Variants in C10orf90 observed in about 807,000 individuals in gnomAD.
The protein encoded by C10orf90 is (E2-independent) E3 ubiquitin-conjugating enzyme FATS.
A neutral mutation model predicts 62.5 loss-of-function variants in C10orf90; 56 were observed. The ratio of observed to expected loss-of-function variants is 0.90; its 90% confidence interval spans 0.72 to 1.12. The LOEUF is 1.12. Ranked by LOEUF, C10orf90 falls within the 50% of genes most tolerant of loss-of-function variation. The probability of loss-of-function intolerance (pLI) is 0.00; values close to 1 mark genes in which losing one functional copy is unlikely to be tolerated. For synonymous variants in C10orf90, 386 were observed against 340.4 expected, an observed-to-expected ratio of 1.13 and a Z score of -1.47; for missense variants, 970 against 880.4, an observed-to-expected ratio of 1.10 and a Z score of -1.29.
At position 126,529,462 on chromosome 10, in the gene C10orf90, A is replaced by G. The variant is rs554218380; in HGVS notation, c.314-15523T>C. Among the ~76,000 whole-genome samples the G allele has an allele frequency of 2.0e-5, 3 of 152,316 alleles. No individual in the cohort carries two copies. In the South Asian group the frequency reaches 6.2e-4, roughly 32 times the overall value. Reference sequence around the variant, plus strand: ...ATTTAGAAAAAGATGTTTGTAACCCATATAACAGACAAAGGGTTATTATGG... The same window carrying G: ...ATTTAGAAAAAGATGTTTGTAACCCGTATAACAGACAAAGGGTTATTATGG... On this transcript the variant is annotated intron_variant, in intron 2 of 9. Coordinates refer to ENST00000488181, the MANE Select transcript of C10orf90 (RefSeq NM_001350921.2).
intron 2 of C10orf90, among the ~76,000 whole-genome samples, chr10:126,585,467 A>AGGAGGGAAGGAGGAAGGAAG (rs1844850101): frequency 1.7e-5 from 1 of 58,956 alleles, no homozygotes; most frequent in African/African-American, 7.7e-5. Flanking sequence ...AAGGAAGGAA[A>AGGAGGGAAGGAGGAAGGAAG]GGAAGAGAGG....
intron 8 of C10orf90, among the ~76,000 whole-genome samples, chr10:126,426,849 A>G (rs928231324): frequency 5.3e-5 from 8 of 152,240 alleles, no homozygotes; most frequent in Non-Finnish European, 1.5e-5. Flanking sequence ...TTAAAATAAT[A>G]AGGACAATGT....
At chr10:126,669,570 T>A (rs1846703910) in intron 1 of C10orf90, among the ~76,000 whole-genome samples, 1 of 152,240 alleles carries the variant, frequency 6.6e-6, no homozygotes, top group African/African-American at 2.4e-5. Context: ...GCCGATCAGA[T>A]TTCATGCGTG....
intron 2 of C10orf90, among the ~76,000 whole-genome samples, chr10:126,560,640 C>G (rs1325450517): frequency 2.0e-5 from 3 of 152,146 alleles, no homozygotes; most frequent in Non-Finnish European, 4.4e-5. Flanking sequence ...AAAGCCATCC[C>G]CATGGAGACG....
intron 3 of C10orf90, among the ~76,000 whole-genome samples, chr10:126,510,310 G>A (rs1863025848): frequency 6.6e-6 from 1 of 152,130 alleles, no homozygotes. Flanking sequence ...GGGATGAGAT[G>A]GGGGGTTATT....
intron 4 of C10orf90, among the ~76,000 whole-genome samples, chr10:126,486,218 C>G (rs1295389919): frequency 6.6e-6 from 1 of 152,130 alleles, no homozygotes; most frequent in Admixed American, 6.5e-5. Context: ...ATAAGCTAGT[C>G]CCCTTTCAGA....
At chr10:126,565,064 AT>A (rs1239116412) in intron 2 of C10orf90, among the ~76,000 whole-genome samples, 1 of 35,432 alleles carries the variant, frequency 2.8e-5, no homozygotes, top group Non-Finnish European at 4.8e-5. Flanking sequence ...TATAAAATAT[AT>A]ATTATATATA....
intron 2 of C10orf90, among the ~76,000 whole-genome samples, chr10:126,625,389 A>G (rs1384445779): frequency 1.3e-5 from 2 of 152,170 alleles, no homozygotes; most frequent in Non-Finnish European, 2.9e-5. Context: ...AGCTCACCAC[A>G]GTGTTACTTT....
chr10:126,548,375 T>G (rs908495718), intron 2 of C10orf90, among the ~76,000 whole-genome samples: 1 of 149,628 alleles, frequency 6.7e-6, no homozygotes, highest in Non-Finnish European at 1.5e-5. Flanking sequence ...AGACCCCATC[T>G]TTTTTTTTTA....
At chr10:126,620,482 A>G (rs1245479541) in intron 2 of C10orf90, among the ~76,000 whole-genome samples, 12 of 152,188 alleles carry the variant, frequency 7.9e-5, no homozygotes, top group East Asian at 3.8e-4. Context: ...CACGTTATCA[A>G]TTGTCACTCA....
At chr10:126,578,608 T>A (rs1476940761) in intron 2 of C10orf90, among the ~76,000 whole-genome samples, 2 of 152,174 alleles carry the variant, frequency 1.3e-5, no homozygotes, top group Non-Finnish European at 2.9e-5. Context: ...CTCCTGCATA[T>A]ATACACAATA....
intron 2 of C10orf90, among the ~76,000 whole-genome samples, chr10:126,555,005 C>A (rs1407577491): frequency 1.3e-5 from 2 of 152,176 alleles, no homozygotes; most frequent in Non-Finnish European, 2.9e-5. Context: ...GAAAATGTCT[C>A]CCAGATTTCC....
chr10:126,537,548 C>T (rs1040509209), intron 2 of C10orf90, among the ~76,000 whole-genome samples: 4 of 152,262 alleles, frequency 2.6e-5, no homozygotes, highest in Non-Finnish European at 4.4e-5. Flanking sequence ...GCAAAAGCCT[C>T]GGGTCTGAGC....
At chr10:126,661,083 T>C (rs1487529004) in intron 1 of C10orf90, among the ~76,000 whole-genome samples, 1 of 152,184 alleles carries the variant, frequency 6.6e-6, no homozygotes, top group Non-Finnish European at 1.5e-5. Context: ...CCACATTCTT[T>C]CTGTGTATCT....
intron 8 of C10orf90, among the ~76,000 whole-genome samples, chr10:126,428,240 G>T (rs1857370425): frequency 6.6e-6 from 1 of 152,146 alleles, no homozygotes; most frequent in Admixed American, 6.6e-5. Flanking sequence ...GGCCTGACAG[G>T]ATACTCAGGA....
At chr10:126,609,817 T>C (rs2576013) in intron 2 of C10orf90, among the ~76,000 whole-genome samples, 4,862 of 152,334 alleles carry the variant, frequency 0.032, 127 homozygotes, top group South Asian at 0.073. Context: ...TGTGGGTTTG[T>C]TCTGAGAGAG....
chr10:126,620,999 C>T (rs2804431), intron 2 of C10orf90, among the ~76,000 whole-genome samples: 4,884 of 152,264 alleles, frequency 0.032, 126 homozygotes, highest in South Asian at 0.073. Flanking sequence ...GCAACCTCTT[C>T]ATAACTTCCA....
chr10:126,523,349 T>A (rs1863828924), intron 2 of C10orf90: 1 of 152,222 alleles, frequency 6.6e-6, no homozygotes, highest in Admixed American at 6.5e-5. Flanking sequence ...ACCGCACTGA[T>A]GTGATCATGC....
At chr10:126,548,670 A>T (rs1235797471) in intron 2 of C10orf90, among the ~76,000 whole-genome samples, 1 of 151,858 alleles carries the variant, frequency 6.6e-6, no homozygotes, top group Non-Finnish European at 1.5e-5. Context: ...CGGCCGCAAG[A>T]TCCCATCTTT....
Sources: gnomAD v4.1 joint callset for allele counts (sites outside exome capture counted in the v4.1 genomes callset) on GRCh38, gnomAD v4.1.1 for gene constraint, MANE v1.5 for transcripts, NCBI Gene and HGNC (gene_info 2026-07-23, HGNC 2026-07-21) for gene names.